Variants in HHAT observed in about 807,000 individuals in gnomAD.
The protein encoded by HHAT is protein-cysteine N-palmitoyltransferase HHAT.
In HHAT, 47 loss-of-function variants were observed where a neutral mutation model predicts 70.8. The observed-to-expected ratio is 0.66, with a 90% CI of 0.53 to 0.85. The LOEUF is 0.85. Ranked by LOEUF, HHAT falls within the 40% of genes least tolerant of loss-of-function variation. HHAT has a pLI of 0.00. For synonymous variants in HHAT, 228 were observed against 247.6 expected, an observed-to-expected ratio of 0.92 and a Z score of 0.74; for missense variants, 609 against 604.8, an observed-to-expected ratio of 1.01 and a Z score of -0.07.
In HHAT at chr1:210,454,286, A is replaced by G. The variant is rs571712590; in HGVS notation, c.857-10219A>G. ...AAGCTCCCTTCGGCCGGGCACGGTG[A>G]CTCACGCCTGTAATCCCAGCACTTC... On this transcript the variant is annotated intron_variant, in intron 7 of 11. Coordinates refer to ENST00000261458, the MANE Select transcript of HHAT (RefSeq NM_018194.6). 7.9e-5 allele frequency among the ~76,000 whole-genome samples: 12 copies of G among 152,164 alleles called. No homozygotes were observed. The South Asian group carries it at 1.7e-3, about 21-fold the overall frequency.
intron 9 of HHAT, among the ~76,000 whole-genome samples, chr1:210,543,112 G>A (rs991743535): frequency 1.3e-5 from 2 of 152,106 alleles, no homozygotes; most frequent in South Asian, 2.1e-4. Flanking sequence ...CCAAGAAAGC[G>A]AAAACACATT....
chr1:210,373,942 A>C (rs186941196), intron 3 of HHAT, among the ~76,000 whole-genome samples: 1 of 152,316 alleles, frequency 6.6e-6, no homozygotes, highest in African/African-American at 2.4e-5. Context: ...CTCCAATGTT[A>C]ATGTTGCTAA....
intron 9 of HHAT, among the ~76,000 whole-genome samples, chr1:210,520,999 C>T (rs1374627456): frequency 6.6e-6 from 1 of 152,188 alleles, no homozygotes; most frequent in Non-Finnish European, 1.5e-5. Context: ...GCAAATAGAA[C>T]AAGGCAGTGA....
intron 10 of HHAT, among the ~76,000 whole-genome samples, chr1:210,602,953 A>C (rs1664611540): frequency 6.6e-6 from 1 of 152,204 alleles, no homozygotes; most frequent in African/African-American, 2.4e-5. Context: ...ATGTTAGTTC[A>C]AATATGTTTA....
chr1:210,391,134 C>G (rs986074132), intron 4 of HHAT, among the ~76,000 whole-genome samples: 1 of 152,082 alleles, frequency 6.6e-6, no homozygotes, highest in African/African-American at 2.4e-5. Flanking sequence ...GAAAGTGTTC[C>G]CTTTTTACCA....
At chr1:210,342,110 A>T (rs1372391974) in intron 1 of HHAT, among the ~76,000 whole-genome samples, 2 of 151,906 alleles carry the variant, frequency 1.3e-5, no homozygotes, top group Admixed American at 6.6e-5. Flanking sequence ...GATGCCAAGG[A>T]CAACTCAATT....
chr1:210,396,038 CAGGG>C (rs2091765672), intron 4 of HHAT, among the ~76,000 whole-genome samples: 2 of 150,648 alleles, frequency 1.3e-5, no homozygotes, highest in African/African-American at 4.9e-5. Flanking sequence ...AGTGTAGACT[CAGGG>C]AGCAGAGGGG....
chr1:210,614,704 T>G (rs555140866), intron 10 of HHAT, among the ~76,000 whole-genome samples: 3 of 152,302 alleles, frequency 2.0e-5, no homozygotes, highest in African/African-American at 7.2e-5. Flanking sequence ...GAATGATGGT[T>G]TCCAGCTTCA....
chr1:210,612,843 G>A (rs1666872761), intron 10 of HHAT, among the ~76,000 whole-genome samples: 1 of 152,168 alleles, frequency 6.6e-6, no homozygotes, highest in Non-Finnish European at 1.5e-5. Flanking sequence ...CTTAGAAGGT[G>A]TGAAGTGATA....
chr1:210,469,388 A>G (rs2094161314), intron 8 of HHAT, among the ~76,000 whole-genome samples: 1 of 152,084 alleles, frequency 6.6e-6, no homozygotes, highest in South Asian at 2.1e-4. Flanking sequence ...CCCCAGCCAC[A>G]TTGAAGGGAG....
At chr1:210,526,776 T>C (rs1305982751) in intron 9 of HHAT, among the ~76,000 whole-genome samples, 2 of 152,212 alleles carry the variant, frequency 1.3e-5, no homozygotes, top group African/African-American at 4.8e-5. Context: ...TGTCTAGATA[T>C]GTGCCAGCCA....
rs1229251483 is a variant in HHAT, at chr1:210,511,312, A to G, written c.1008-1841A>G. Among the ~76,000 whole-genome samples the G allele has an allele frequency of 1.8e-4, 27 of 152,146 alleles. 1 individual carries two copies. Among genetic ancestry groups the G allele is most frequent in the Admixed American group, 1.8e-3 (27 of 15,272 alleles). On this transcript the variant is annotated intron_variant, in intron 8 of 11. Transcript: ENST00000261458. Reference sequence around the variant, plus strand: ...GAATCCCGTTTTTCCTGAATTATGTAATTATTTTAGGTCAGTGATGTAGTA... The same window carrying G: ...GAATCCCGTTTTTCCTGAATTATGTGATTATTTTAGGTCAGTGATGTAGTA...
intron 7 of HHAT, among the ~76,000 whole-genome samples, chr1:210,449,434 C>G (rs972097271): frequency 1.3e-5 from 2 of 152,138 alleles, no homozygotes; most frequent in African/African-American, 4.8e-5. Flanking sequence ...GCTGAAGTTG[C>G]ATCACCATTC....
chr1:210,446,994 T>G (rs1327683909), intron 7 of HHAT, among the ~76,000 whole-genome samples: 2 of 152,202 alleles, frequency 1.3e-5, no homozygotes, highest in Admixed American at 1.3e-4. Flanking sequence ...TAATTGACAC[T>G]CCATAAATAT....
chr1:210,394,463 C>T (rs1009464460), intron 4 of HHAT, among the ~76,000 whole-genome samples: 5 of 152,082 alleles, frequency 3.3e-5, no homozygotes, highest in Admixed American at 6.5e-5. Context: ...AGACAGTTGC[C>T]TCCTTTCATG....
intron 8 of HHAT, among the ~76,000 whole-genome samples, chr1:210,475,338 G>A (rs910233824): frequency 1.3e-5 from 2 of 152,152 alleles, no homozygotes; most frequent in East Asian, 1.9e-4. Flanking sequence ...TTGCACAGGG[G>A]TTGCTGAGGA....
At chr1:210,333,872 G>A (rs2085223930) in intron 1 of HHAT, among the ~76,000 whole-genome samples, 1 of 152,108 alleles carries the variant, frequency 6.6e-6, no homozygotes, top group Admixed American at 6.5e-5. Context: ...GGCCAGGCTG[G>A]TCTTGAACTC....
intron 10 of HHAT, among the ~76,000 whole-genome samples, chr1:210,601,887 A>G (rs1664329938): frequency 6.6e-6 from 1 of 151,674 alleles, no homozygotes; most frequent in Admixed American, 6.6e-5. Context: ...AGAGATAGAA[A>G]TTTGGGACCA....
intron 7 of HHAT, among the ~76,000 whole-genome samples, chr1:210,438,087 A>T (rs2093421173): frequency 6.6e-6 from 1 of 151,862 alleles, no homozygotes; most frequent in South Asian, 2.1e-4. Flanking sequence ...GGATGAGAGA[A>T]GGATAGCCAC....
Sources: allele counts gnomAD v4.1 joint callset (sites outside exome capture counted in the v4.1 genomes callset), GRCh38; gene constraint gnomAD v4.1.1; transcripts MANE v1.5; gene names NCBI Gene and HGNC (gene_info 2026-07-23, HGNC 2026-07-21).